Variants in COA1 observed in about 807,000 individuals in gnomAD.
COA1 encodes cytochrome c oxidase assembly factor 1.
Under a neutral mutation model 16.0 loss-of-function variants are expected in COA1, and 13 were observed. That is an observed-to-expected ratio of 0.81 (90% CI 0.53 to 1.29). The LOEUF is 1.29. Ranked by LOEUF, COA1 falls within the 50% of genes most tolerant of loss-of-function variation. The pLI, the probability that COA1 is intolerant of heterozygous loss-of-function variation, is 0.00. For missense variants in COA1, 179 were observed against 177.0 expected, an observed-to-expected ratio of 1.01 and a Z score of -0.06; for synonymous variants, 65 against 65.7, an observed-to-expected ratio of 0.99 and a Z score of 0.05.
chr7:43,728,152 T>G (rs2095657650), intron 1 of COA1, among the ~76,000 whole-genome samples: 1 of 152,100 alleles, frequency 6.6e-6, no homozygotes, highest in Non-Finnish European at 1.5e-5. Flanking sequence ...TTTTTTGTAT[T>G]TTTAGTGGAG....
At chr7:43,689,163 T>G (rs918476398) in intron 1 of COA1, among the ~76,000 whole-genome samples, 1 of 152,200 alleles carries the variant, frequency 6.6e-6, no homozygotes, top group South Asian at 2.1e-4. Context: ...TTGACCCAGA[T>G]AGAAATGAGT....
At chr7:43,666,571 T>A (rs1022948573) in intron 1 of COA1, among the ~76,000 whole-genome samples, 8 of 152,240 alleles carry the variant, frequency 5.3e-5, no homozygotes, top group Admixed American at 4.6e-4. Context: ...TTAGTTCACA[T>A]GACTTCAAGA....
At chr7:43,695,995 G>T (rs1161816157) in intron 1 of COA1, among the ~76,000 whole-genome samples, 1 of 152,152 alleles carries the variant, frequency 6.6e-6, no homozygotes, top group Non-Finnish European at 1.5e-5. Context: ...AAAGAAAGAG[G>T]TTTAATCGAC....
intron 1 of COA1, among the ~76,000 whole-genome samples, chr7:43,701,760 A>G (rs1460740351): frequency 2.0e-5 from 3 of 151,988 alleles, no homozygotes; most frequent in South Asian, 4.1e-4. Context: ...TCTGTTATTG[A>G]GTTGTTAATA....
chr7:43,610,220 G>T (rs1583575547), intron 6 of COA1, among the ~76,000 whole-genome samples: 2 of 152,174 alleles, frequency 1.3e-5, no homozygotes, highest in Non-Finnish European at 2.9e-5. Flanking sequence ...GGTGGTGGGT[G>T]CCTGTAGTCC....
chr7:43,672,242 C>T (rs930084236), intron 1 of COA1, among the ~76,000 whole-genome samples: 4 of 152,152 alleles, frequency 2.6e-5, no homozygotes, highest in Admixed American at 2.0e-4. Context: ...AGGCCAAGAT[C>T]CCTGATGAAC....
chr7:43,667,687 A>G (rs2092974613), intron 1 of COA1, among the ~76,000 whole-genome samples: 1 of 152,196 alleles, frequency 6.6e-6, no homozygotes, highest in South Asian at 2.1e-4. Flanking sequence ...TAACACTGGA[A>G]TAGAGGAAGA....
At chr7:43,624,688 C>T in intron 6 of COA1, 1 of 1,614,032 alleles carries the variant, frequency 6.2e-7, no homozygotes, top group Non-Finnish European at 8.5e-7. Context: ...ACCAAGGAAT[C>T]CATTGTAACC....
intron 4 of COA1, chr7:43,641,721 C>A (rs546887213): frequency 6.6e-6 from 1 of 152,154 alleles, no homozygotes; most frequent in Non-Finnish European, 1.5e-5. Flanking sequence ...AGGCTGGGCT[C>A]GTACCACAGG....
At chr7:43,686,947 C>T (rs2094064679) in intron 1 of COA1, among the ~76,000 whole-genome samples, 2 of 152,138 alleles carry the variant, frequency 1.3e-5, no homozygotes, top group Non-Finnish European at 2.9e-5. Flanking sequence ...ATGAAGCAGT[C>T]CCAGCTTTTA....
intron 1 of COA1, among the ~76,000 whole-genome samples, chr7:43,684,456 C>A (rs372325376): frequency 3.2e-4 from 48 of 152,206 alleles, no homozygotes; most frequent in African/African-American, 1.2e-3. Context: ...CACAGAGATC[C>A]AAAAGCAAGT....
At chr7:43,712,592 G>C (rs1721529419) in intron 1 of COA1, among the ~76,000 whole-genome samples, 1 of 151,982 alleles carries the variant, frequency 6.6e-6, no homozygotes, top group Admixed American at 6.6e-5. Context: ...CCCCAGTGTG[G>C]GTATATTTAT....
intron 1 of COA1, among the ~76,000 whole-genome samples, chr7:43,726,645 C>T (rs1323389045): frequency 6.6e-6 from 1 of 152,168 alleles, no homozygotes; most frequent in African/African-American, 2.4e-5. Context: ...CTGGGCCTGG[C>T]CTCCCACGTA....
intron 1 of COA1, among the ~76,000 whole-genome samples, chr7:43,699,302 G>T (rs557352486): frequency 5.3e-5 from 8 of 152,148 alleles, no homozygotes; most frequent in Non-Finnish European, 1.0e-4. Context: ...TCCTTGAGAG[G>T]AGAAATTCAT....
chr7:43,719,507 G>A (rs913174530), intron 1 of COA1, among the ~76,000 whole-genome samples: 5 of 152,160 alleles, frequency 3.3e-5, no homozygotes, highest in Non-Finnish European at 7.3e-5. Flanking sequence ...GTCAAACTAA[G>A]TGAGAGCTAC....
chr7:43,646,595 G>A (rs970134), intron 3 of COA1: 74,352 of 456,526 alleles, frequency 0.16, 7,248 homozygotes, highest in Non-Finnish European at 0.21. Context: ...AGGGAGAAAG[G>A]CTGTCACACC....
intron 1 of COA1, among the ~76,000 whole-genome samples, chr7:43,712,278 A>G (rs138617750): frequency 2.5e-3 from 374 of 152,072 alleles, no homozygotes; most frequent in African/African-American, 8.0e-3. Context: ...ATGCCCAGCT[A>G]ATTTTTGTAT....
chr7:43,693,284 T>C (rs2094432750), intron 1 of COA1, among the ~76,000 whole-genome samples: 1 of 152,146 alleles, frequency 6.6e-6, no homozygotes, highest in South Asian at 2.1e-4. Context: ...CTAATCCACC[T>C]TGTGGCAGGA....
At chr7:43,663,004 T>C (rs186765551) in intron 1 of COA1, among the ~76,000 whole-genome samples, 1 of 152,354 alleles carries the variant, frequency 6.6e-6, no homozygotes, top group African/African-American at 2.4e-5. Context: ...CATGTTTAAA[T>C]GTAATCCCCA....
Sources: allele counts gnomAD v4.1 joint callset (sites outside exome capture counted in the v4.1 genomes callset), GRCh38; gene constraint gnomAD v4.1.1; transcripts MANE v1.5; gene names NCBI Gene and HGNC (gene_info 2026-07-23, HGNC 2026-07-21).